The following DEPDC1B variants were observed in gnomAD, a reference collection of about 807,000 sequenced individuals.
The protein encoded by DEPDC1B is DEP domain containing 1B.
In DEPDC1B, 51 loss-of-function variants were observed where a neutral mutation model predicts 66.5. The ratio of observed to expected loss-of-function variants is 0.77; its 90% CI spans 0.61 to 0.97. DEPDC1B has a LOEUF of 0.97. Among genes scored for constraint, DEPDC1B ranks in the 50% least tolerant of loss-of-function variants. DEPDC1B has a pLI of 0.00. For missense variants in DEPDC1B, 552 were observed against 637.1 expected (o/e 0.87, Z 1.44); for synonymous variants, 226 against 223.6 (o/e 1.01, Z -0.10).
At chr5:60,658,567 T>C (rs1238635187) in intron 2 of DEPDC1B, among the ~76,000 whole-genome samples, 1 of 110,418 alleles carries the variant, frequency 9.1e-6, no homozygotes, top group Non-Finnish European at 2.0e-5. Flanking sequence ...GGTGACTACA[T>C]CTACCTTTAA....
At chr5:60,675,892 G>C (rs1346141544) in intron 2 of DEPDC1B, among the ~76,000 whole-genome samples, 1 of 147,174 alleles carries the variant, frequency 6.8e-6, no homozygotes, top group Non-Finnish European at 1.5e-5. Flanking sequence ...TGCCTTCTCT[G>C]TTTCTTTTTT....
At chr5:60,645,463 A>G in intron 4 of DEPDC1B, 29 bp downstream of exon 4, 2 of 1,554,764 alleles carry the variant, frequency 1.3e-6, no homozygotes, top group Non-Finnish European at 1.7e-6. Flanking sequence ...ATATCTCTAA[A>G]ATTTCTCATT....
intron 2 of DEPDC1B, among the ~76,000 whole-genome samples, chr5:60,651,955 T>G (rs1753467429): frequency 6.6e-6 from 1 of 150,566 alleles, no homozygotes; most frequent in South Asian, 2.2e-4. Flanking sequence ...GTGGATAAAT[T>G]TGAAAAGAAG....
intron 7 of DEPDC1B, among the ~76,000 whole-genome samples, chr5:60,624,091 T>C (rs1257633558): frequency 1.3e-5 from 2 of 152,132 alleles, no homozygotes; most frequent in Non-Finnish European, 2.9e-5. Flanking sequence ...GGGAAAGCAT[T>C]CAGTCTACCA....
chr5:60,667,859 ATG>A lies in DEPDC1B; in HGVS notation c.314+19101_314+19102del, dbSNP rs1277137276. Among the ~76,000 whole-genome samples the A allele has an allele frequency of 3.9e-5, 4 of 101,786 alleles. 1 individual carries two copies. Among genetic ancestry groups the A allele is most frequent in the South Asian group, 6.2e-4 (2 of 3,206 alleles). 66.8% of individuals were successfully genotyped at this position (101,786 alleles called of 152,430 possible). On this transcript the variant is annotated intron_variant, in intron 2 of 10. Coordinates refer to ENST00000265036, the MANE Select transcript of DEPDC1B (RefSeq NM_018369.3). ...TGTAAAAAATGGATATTTTACATAT[ATG>A]TAAAAAATGGATATTTTACATATAT...
At chr5:60,664,429 AGAC>A (rs1753791210) in intron 2 of DEPDC1B, among the ~76,000 whole-genome samples, 1 of 152,250 alleles carries the variant, frequency 6.6e-6, no homozygotes, top group South Asian at 2.1e-4. Flanking sequence ...TGTGGCTGTC[AGAC>A]AACCATTTGC....
intron 2 of DEPDC1B, among the ~76,000 whole-genome samples, chr5:60,650,642 C>T (rs1046263415): frequency 1.3e-5 from 2 of 152,160 alleles, no homozygotes; most frequent in African/African-American, 2.4e-5. Flanking sequence ...TATGATAGAG[C>T]AGACATTACA....
intron 7 of DEPDC1B, among the ~76,000 whole-genome samples, chr5:60,608,788 G>A (rs1210946526): frequency 1.3e-5 from 2 of 151,988 alleles, no homozygotes; most frequent in African/African-American, 4.8e-5. Flanking sequence ...GCCAAACTTA[G>A]AGTAGATAAT....
intron 7 of DEPDC1B, among the ~76,000 whole-genome samples, chr5:60,631,963 C>T (rs1419501929): frequency 6.6e-6 from 1 of 152,200 alleles, no homozygotes; most frequent in African/African-American, 2.4e-5. Context: ...ATACACTAAA[C>T]CCATTCCTGG....
intron 1 of DEPDC1B, among the ~76,000 whole-genome samples, chr5:60,691,107 G>A (rs1754533864): frequency 6.6e-6 from 1 of 150,918 alleles, no homozygotes; most frequent in Admixed American, 6.6e-5. Flanking sequence ...AGGCTGGAGT[G>A]CAATGGCATG....
intron 2 of DEPDC1B, among the ~76,000 whole-genome samples, chr5:60,677,295 G>GACACACACACACACAC (rs770270774): frequency 8.8e-6 from 1 of 113,706 alleles, no homozygotes; most frequent in African/African-American, 3.7e-5. Context: ...TTTTCATACA[G>GACACACACACACACAC]ACACACACAC....
rs1753268192 is a variant in DEPDC1B, at chr5:60,644,689, C to T, written c.709+56G>A. 1.4e-5 allele frequency: 21 copies of T among 1,466,258 alleles called. 1 individual carries two copies. In the South Asian group the frequency reaches 3.1e-4, roughly 21 times the overall value. 90.8% of individuals were successfully genotyped at this position (1,466,258 alleles called of 1,614,324 possible). ...GAAGGGTCAGAAAGGAGCTGATGGA[C>T]CTGTGCAGCCAATATATTATGTCAA... On this transcript the variant is annotated intron_variant, in intron 5 of 10. Transcript: ENST00000265036.
chr5:60,698,893 T>TG (rs992111471), intron 1 of DEPDC1B, among the ~76,000 whole-genome samples: 1 of 152,186 alleles, frequency 6.6e-6, no homozygotes, highest in African/African-American at 2.4e-5. Context: ...CTCGAACTCC[T>TG]GACCTCAAGC....
intron 7 of DEPDC1B, among the ~76,000 whole-genome samples, chr5:60,622,694 A>C (rs551085983): frequency 6.6e-6 from 1 of 152,190 alleles, no homozygotes; most frequent in Non-Finnish European, 1.5e-5. Context: ...CTCACCAAAA[A>C]TTTATGTCAG....
At chr5:60,644,718 G>A (rs750538428) in intron 5 of DEPDC1B, 27 bp downstream of exon 5, 3 of 1,569,810 alleles carry the variant, frequency 1.9e-6, no homozygotes, top group African/African-American at 2.7e-5. Context: ...ATGTCAATAA[G>A]TAACAAAATT....
intron 2 of DEPDC1B, among the ~76,000 whole-genome samples, chr5:60,657,290 T>A (rs1322567626): frequency 1.3e-5 from 2 of 152,244 alleles, no homozygotes; most frequent in Non-Finnish European, 2.9e-5. Flanking sequence ...GCCATTTACA[T>A]TCAATGTTAG....
At chr5:60,644,655 G>C in intron 5 of DEPDC1B, 90 bp downstream of exon 5, 1 of 1,093,442 alleles carries the variant, frequency 9.1e-7, no homozygotes, top group Non-Finnish European at 1.3e-6. Context: ...AACTTATTCA[G>C]GGTTTAGGGA....
chr5:60,619,146 A>C (rs1049041711), intron 7 of DEPDC1B, among the ~76,000 whole-genome samples: 1 of 152,226 alleles, frequency 6.6e-6, no homozygotes, highest in African/African-American at 2.4e-5. Context: ...TCTCCAAATA[A>C]TAAGAGCTAT....
intron 7 of DEPDC1B, among the ~76,000 whole-genome samples, chr5:60,627,930 G>T (rs981739030): frequency 2.6e-5 from 4 of 152,264 alleles, no homozygotes; most frequent in African/African-American, 9.6e-5. Context: ...GCAGTGATTT[G>T]TCAAAGTAGG....
Sources: gnomAD v4.1 joint callset for allele counts (sites outside exome capture counted in the v4.1 genomes callset) on GRCh38, gnomAD v4.1.1 for gene constraint, MANE v1.5 for transcripts, NCBI Gene and HGNC (gene_info 2026-07-23, HGNC 2026-07-21) for gene names.